Variants in SUGCT observed in about 807,000 individuals in gnomAD.
SUGCT encodes the protein succinyl-CoA:glutarate CoA-transferase.
A neutral mutation model predicts 55.0 loss-of-function variants in SUGCT; 41 were observed. That is an observed-to-expected ratio of 0.74 (90% CI 0.58 to 0.97). The LOEUF (loss-of-function observed/expected upper bound fraction) is 0.97. Ranked by LOEUF, SUGCT falls within the 50% of genes least tolerant of loss-of-function variation. The probability of loss-of-function intolerance (pLI) is 0.00; values close to 1 mark genes in which losing one functional copy is unlikely to be tolerated. For synonymous variants in SUGCT, 187 were observed against 200.4 expected (o/e 0.93, Z 0.56); for missense variants, 568 against 547.8 (o/e 1.04, Z -0.37).
In SUGCT at chr7:40,715,141, AT is replaced by A. The variant is rs947848850; in HGVS notation, c.1090-34292del. 6.6e-5 allele frequency among the ~76,000 whole-genome samples: 10 copies of A among 152,326 alleles called. No homozygotes were observed. The South Asian group carries it at 1.2e-3, about 19-fold the overall frequency. ...TAATTCCACTGAAACATAAAAAAAAATAAACTCTCTCCTTTGTTCTTAAAAT... is the reference window on the plus strand; with the variant it reads ...TAATTCCACTGAAACATAAAAAAAAAAAACTCTCTCCTTTGTTCTTAAAAT... On this transcript the variant is annotated intron_variant, in intron 12 of 13. Coordinates refer to ENST00000335693, the MANE Select transcript of SUGCT (RefSeq NM_001193313.2).
At chr7:40,329,179 TG>T (rs1343454832) in intron 9 of SUGCT, among the ~76,000 whole-genome samples, 2 of 152,122 alleles carry the variant, frequency 1.3e-5, no homozygotes, top group Non-Finnish European at 2.9e-5. Context: ...GCAGGCTGCC[TG>T]GGGGGAAAAT....
intron 9 of SUGCT, among the ~76,000 whole-genome samples, chr7:40,420,092 T>C (rs772248397): frequency 6.6e-6 from 1 of 152,262 alleles, no homozygotes; most frequent in East Asian, 1.9e-4. Context: ...TGCAGGCTGC[T>C]GTGTGAGTAC....
At chr7:40,913,363 G>T in the SUGCT span, among the ~76,000 whole-genome samples, 1 of 152,076 alleles carries the variant, frequency 6.6e-6, no homozygotes, top group Non-Finnish European at 1.5e-5. Flanking sequence ...GAAAAAAATT[G>T]TACATCTTAA....
chr7:40,169,757 C>T (rs1784585976), intron 1 of SUGCT, among the ~76,000 whole-genome samples: 1 of 151,494 alleles, frequency 6.6e-6, no homozygotes, highest in Admixed American at 6.6e-5. Flanking sequence ...TTTTTTATCC[C>T]ATTTGTCCCA....
chr7:40,783,600 C>G (rs1789865217), intron 13 of SUGCT: 1 of 152,060 alleles, frequency 6.6e-6, no homozygotes. Context: ...AGGCAAAGCC[C>G]AGGTGGAGAG....
At chr7:40,908,660 TA>T in the SUGCT span, among the ~76,000 whole-genome samples, 1 of 152,034 alleles carries the variant, frequency 6.6e-6, no homozygotes, top group Non-Finnish European at 1.5e-5. Flanking sequence ...CCATATAATA[TA>T]AAAAATATAA....
intron 13 of SUGCT, among the ~76,000 whole-genome samples, chr7:40,854,419 C>CCCTTCTTTCTTT (rs1794036371): frequency 6.8e-5 from 6 of 88,804 alleles, no homozygotes; most frequent in Admixed American, 1.2e-4. Flanking sequence ...TTCTTTCTTT[C>CCCTTCTTTCTTT]CTTTCTTTCT....
chr7:40,404,012 T>A (rs1245745240), intron 9 of SUGCT, among the ~76,000 whole-genome samples: 1 of 152,122 alleles, frequency 6.6e-6, no homozygotes, highest in Admixed American at 6.5e-5. Flanking sequence ...GCTGTAGCCA[T>A]ATAGGAAAAG....
chr7:40,779,352 T>C (rs1278502582), intron 13 of SUGCT, among the ~76,000 whole-genome samples: 1 of 152,216 alleles, frequency 6.6e-6, no homozygotes, highest in African/African-American at 2.4e-5. Context: ...CTTGTGTACA[T>C]ACTGCATTGC....
chr7:40,650,166 A>G (rs941675015), intron 12 of SUGCT, among the ~76,000 whole-genome samples: 2 of 152,290 alleles, frequency 1.3e-5, no homozygotes, highest in African/African-American at 4.8e-5. Flanking sequence ...CCACGTGGGT[A>G]TCTCAGTTTT....
chr7:40,452,076 A>G (rs777366987), intron 10 of SUGCT, among the ~76,000 whole-genome samples: 1 of 152,230 alleles, frequency 6.6e-6, no homozygotes, highest in East Asian at 1.9e-4. Flanking sequence ...TAGAATTGAT[A>G]TAGTGGTTGA....
the SUGCT span, among the ~76,000 whole-genome samples, chr7:40,994,251 T>A: frequency 0.28 from 42,800 of 151,792 alleles, 7,498 homozygotes; most frequent in Admixed American, 0.45. Context: ...CAAAGAGATC[T>A]CCCTAATCTA....
At chr7:40,849,252 A>C (rs1316708497) in intron 13 of SUGCT, among the ~76,000 whole-genome samples, 2 of 152,238 alleles carry the variant, frequency 1.3e-5, no homozygotes, top group Non-Finnish European at 2.9e-5. Flanking sequence ...AAATCAAATG[A>C]AAAAAATCCA....
At chr7:40,643,036 C>T (rs2151827377) in intron 12 of SUGCT, among the ~76,000 whole-genome samples, 1 of 152,254 alleles carries the variant, frequency 6.6e-6, no homozygotes, top group Admixed American at 6.5e-5. Flanking sequence ...ACTTTTCCTC[C>T]AGTTAAACCA....
At chr7:40,273,592 A>G (rs1289261946) in intron 7 of SUGCT, among the ~76,000 whole-genome samples, 1 of 152,192 alleles carries the variant, frequency 6.6e-6, no homozygotes, top group East Asian at 1.9e-4. Context: ...CATATGGGCC[A>G]AGGATTGGAT....
chr7:41,007,747 A>G, the SUGCT span, among the ~76,000 whole-genome samples: 119 of 150,852 alleles, frequency 7.9e-4, no homozygotes, highest in African/African-American at 2.5e-3. Context: ...GGATTATTTG[A>G]CCATGAAAGC....
At chr7:41,014,189 C>T in the SUGCT span, among the ~76,000 whole-genome samples, 2 of 152,168 alleles carry the variant, frequency 1.3e-5, no homozygotes, top group Admixed American at 1.3e-4. Context: ...GACCTCTGCA[C>T]TATCTTTGCA....
intron 9 of SUGCT, among the ~76,000 whole-genome samples, chr7:40,399,956 T>A (rs1583598721): frequency 6.6e-6 from 1 of 151,964 alleles, no homozygotes; most frequent in East Asian, 1.9e-4. Context: ...GGCTGAGGCA[T>A]GAGAATTGCT....
At chr7:40,842,867 A>G (rs371467061) in intron 13 of SUGCT, among the ~76,000 whole-genome samples, 86 of 152,310 alleles carry the variant, frequency 5.6e-4, no homozygotes, top group African/African-American at 2.0e-3. Context: ...GACACATTGC[A>G]TTTAACATTT....
Sources: gnomAD v4.1 joint callset for allele counts (sites outside exome capture counted in the v4.1 genomes callset) on GRCh38, gnomAD v4.1.1 for gene constraint, MANE v1.5 for transcripts, NCBI Gene and HGNC (gene_info 2026-07-23, HGNC 2026-07-21) for gene names.